The following CPED1 variants were observed in gnomAD, a reference collection of about 807,000 sequenced individuals.
CPED1 encodes the protein cadherin like and PC-esterase domain containing 1.
CPED1 carries 114 observed loss-of-function variants against 128.2 expected under a neutral mutation model. The ratio of observed to expected loss-of-function variants is 0.89; its 90% CI spans 0.76 to 1.04. The LOEUF is 1.04. Ranked by LOEUF, CPED1 falls within the 50% of genes least tolerant of loss-of-function variation. The pLI is 0.00. For missense variants in CPED1, 1,211 were observed against 1,207.1 expected, an observed-to-expected ratio of 1.00 and a Z score of -0.05; for synonymous variants, 462 against 426.7, an observed-to-expected ratio of 1.08 and a Z score of -1.02.
chr7:121,176,342 C>A (rs758803220), intron 16 of CPED1, among the ~76,000 whole-genome samples: 1 of 151,444 alleles, frequency 6.6e-6, no homozygotes. Flanking sequence ...GGATCCCTTA[C>A]TATTTCTTTC....
intron 4 of CPED1, among the ~76,000 whole-genome samples, chr7:121,052,729 AT>A (rs1280830687): frequency 2.0e-5 from 3 of 152,020 alleles, no homozygotes; most frequent in Non-Finnish European, 4.4e-5. Context: ...TTAAATTTTT[AT>A]TGTTTTTGGG....
chr7:121,088,789 A>AAAAAAAAAAAAAAAAAAAAG (rs1794507732), intron 5 of CPED1, among the ~76,000 whole-genome samples: 1 of 145,714 alleles, frequency 6.9e-6, no homozygotes, highest in Non-Finnish European at 1.5e-5. Context: ...AAAAAAAAAA[A>AAAAAAAAAAAAAAAAAAAAG]AAATTGAAAG....
chr7:121,208,060 G>C (rs535114233), intron 16 of CPED1, among the ~76,000 whole-genome samples: 1 of 151,954 alleles, frequency 6.6e-6, no homozygotes, highest in East Asian at 1.9e-4. Flanking sequence ...CTTGAGTCTA[G>C]CTGTTGTATT....
intron 17 of CPED1, among the ~76,000 whole-genome samples, chr7:121,238,643 T>G (rs1457683166): frequency 6.6e-6 from 1 of 152,062 alleles, no homozygotes; most frequent in African/African-American, 2.4e-5. Flanking sequence ...CACAGGGCCA[T>G]TCATAGGGTG....
At position 120,989,463 on chromosome 7, in the gene CPED1, T is replaced by C. The variant is rs763708606; in HGVS notation, c.-159T>C. 3.4e-6 allele frequency: 3 copies of C among 889,844 alleles called. No individual in the cohort carries two copies. The highest frequency in any genetic ancestry group is 5.1e-6 in the Non-Finnish European group (3 of 589,638). 55.1% of individuals were successfully genotyped at this position (889,844 alleles called of 1,614,324 possible). A position where few individuals can be genotyped will look rare whatever the true frequency, so the allele number is the denominator to read the frequency against. On this transcript the variant is annotated 5_prime_UTR_variant, in exon 2 of 23. Coordinates refer to ENST00000310396, the MANE Select transcript of CPED1 (RefSeq NM_024913.5). ...CTCAGACTTTCGGGACCTATGATTC[T>C]TTGGCACAACCTTTTGGAAAATTCT...
In CPED1 at chr7:120,989,585, G is replaced by T. The variant is rs202149555; in HGVS notation, c.-37G>T. On this transcript the variant is annotated 5_prime_UTR_variant, in exon 2 of 23. Coordinates refer to ENST00000310396, the MANE Select transcript of CPED1 (RefSeq NM_024913.5). ...AAAAATAGCTGCTATGACTTTTCCC[G>T]CAACGTGGACAGGGGCCAAGTGAAG... 1 of 1,602,378 alleles carries T rather than the reference G, an allele frequency of 6.2e-7. No homozygotes were observed. Among genetic ancestry groups the T allele is most frequent in the East Asian group, 2.2e-5 (1 of 44,714 alleles).
At chr7:121,033,121 T>C (rs1288164843) in intron 3 of CPED1, among the ~76,000 whole-genome samples, 2 of 152,194 alleles carry the variant, frequency 1.3e-5, no homozygotes, top group Non-Finnish European at 2.9e-5. Context: ...TTCTAGGTAA[T>C]ATGCATACAT....
chr7:121,011,550 G>A (rs775614286), intron 2 of CPED1, among the ~76,000 whole-genome samples: 14 of 152,148 alleles, frequency 9.2e-5, no homozygotes, highest in Middle Eastern at 3.2e-3. Flanking sequence ...CTCATTCAAA[G>A]AATATTTATT....
chr7:121,200,325 A>G (rs927970429), intron 16 of CPED1, among the ~76,000 whole-genome samples: 2 of 151,796 alleles, frequency 1.3e-5, no homozygotes, highest in Admixed American at 6.6e-5. Context: ...GCTGGTGAAA[A>G]CCTCAGATGT....
chr7:121,009,565 C>T (rs1182387622), intron 2 of CPED1, among the ~76,000 whole-genome samples: 1 of 149,878 alleles, frequency 6.7e-6, no homozygotes, highest in Non-Finnish European at 1.5e-5. Context: ...CTAGATCATG[C>T]CACTGCTCTC....
At chr7:121,192,010 C>T (rs1449689124) in intron 16 of CPED1, among the ~76,000 whole-genome samples, 1 of 151,970 alleles carries the variant, frequency 6.6e-6, no homozygotes, top group African/African-American at 2.4e-5. Flanking sequence ...GTGCAGTGAT[C>T]CCATTTCTGG....
At chr7:121,037,363 C>A (rs1232215121) in intron 3 of CPED1, among the ~76,000 whole-genome samples, 3 of 152,124 alleles carry the variant, frequency 2.0e-5, no homozygotes, top group Admixed American at 6.6e-5. Flanking sequence ...ATATGGCTTT[C>A]CAATTATCCC....
intron 5 of CPED1, among the ~76,000 whole-genome samples, chr7:121,067,110 T>C (rs930674254): frequency 1.0e-4 from 4 of 39,976 alleles, no homozygotes; most frequent in Admixed American, 3.9e-4. Flanking sequence ...CTTAGTGGTT[T>C]GCATTTCTTT....
At chr7:121,264,482 T>C (rs905238507) in intron 18 of CPED1, among the ~76,000 whole-genome samples, 2 of 152,082 alleles carry the variant, frequency 1.3e-5, no homozygotes, top group Admixed American at 1.3e-4. Context: ...GATCTATGAC[T>C]GAGTCCTTGA....
intron 2 of CPED1, among the ~76,000 whole-genome samples, chr7:121,014,568 T>G (rs78876538): frequency 7.2e-6 from 1 of 139,162 alleles, no homozygotes; most frequent in Non-Finnish European, 1.6e-5. Flanking sequence ...AAAATAATAA[T>G]AATAATAATA....
rs562393968 is a variant in CPED1, at chr7:121,015,820, T to TGG, written c.406_407dup (p.Leu137AlafsTer2). ...TCATCGCTGAAGAAAGGCTCAATGC[T>TGG]GGCCTAGGGCCGGGGCTACTAGAAC... On this transcript the variant is annotated frameshift_variant, in exon 3 of 23. Transcript: ENST00000310396. LOFTEE classifies it high-confidence loss of function. The TGG allele has an allele frequency of 5.1e-6, 8 of 1,583,474 alleles. No homozygotes were observed. Among genetic ancestry groups the TGG allele is most frequent in the Non-Finnish European group, 6.8e-6 (8 of 1,169,310 alleles).
At chr7:121,295,034 ACATGTTTAGGGTAC>A (rs1420081593) in intron 22 of CPED1, among the ~76,000 whole-genome samples, 1 of 151,954 alleles carries the variant, frequency 6.6e-6, no homozygotes, top group Admixed American at 6.6e-5. Context: ...GAGTGCCATG[ACATGTTTAGGGTAC>A]CATGTTTGAA....
chr7:120,996,203 G>A (rs1796402006), intron 2 of CPED1, among the ~76,000 whole-genome samples: 1 of 152,048 alleles, frequency 6.6e-6, no homozygotes, highest in African/African-American at 2.4e-5. Flanking sequence ...AGGATTGCTT[G>A]AGCCAGGGAT....
chr7:121,261,608 C>G, intron 18 of CPED1: 1 of 1,605,212 alleles, frequency 6.2e-7, no homozygotes, highest in African/African-American at 1.3e-5. Context: ...GAAAACCTGA[C>G]AGCTTCTTTT....
Sources: allele counts gnomAD v4.1 joint callset (sites outside exome capture counted in the v4.1 genomes callset), GRCh38; gene constraint gnomAD v4.1.1; transcripts MANE v1.5; gene names NCBI Gene and HGNC (gene_info 2026-07-23, HGNC 2026-07-21).